The following SRGAP1 variants were observed in gnomAD, a reference collection of about 807,000 sequenced individuals.
SRGAP1 encodes the protein SLIT-ROBO Rho GTPase-activating protein 1.
In SRGAP1, 43 loss-of-function variants were observed where a neutral mutation model predicts 121.9. That is an observed-to-expected ratio of 0.35 (90% CI 0.28 to 0.46). The LOEUF (loss-of-function observed/expected upper bound fraction) is 0.46, where lower values mean the gene tolerates loss of function less well. Ranked by LOEUF, SRGAP1 falls within the 20% of genes least tolerant of loss-of-function variation. The pLI, the probability that SRGAP1 is intolerant of heterozygous loss-of-function variation, is 1.00. For synonymous variants in SRGAP1, 447 were observed against 485.4 expected, an observed-to-expected ratio of 0.92 and a Z score of 1.04; for missense variants, 1,102 against 1,350.9, an observed-to-expected ratio of 0.82 and a Z score of 2.89.
At chr12:64,070,471 G>A (rs2035618672) in intron 8 of SRGAP1, among the ~76,000 whole-genome samples, 1 of 152,150 alleles carries the variant, frequency 6.6e-6, no homozygotes, top group Non-Finnish European at 1.5e-5. Context: ...GCTGTTCTAT[G>A]AGTAGAACCT....
chr12:64,042,696 G>A (rs2035048893), intron 4 of SRGAP1, 94 bp from the exon 5 acceptor site: 2 of 870,222 alleles, frequency 2.3e-6, no homozygotes, highest in Non-Finnish European at 3.5e-6. Flanking sequence ...TTTGGAAGGT[G>A]GTATGTGTAT....
intron 1 of SRGAP1, among the ~76,000 whole-genome samples, chr12:63,886,475 T>C (rs886224107): frequency 1.3e-5 from 2 of 149,324 alleles, no homozygotes; most frequent in Admixed American, 6.6e-5. Context: ...TGAACCATTT[T>C]ATGTACTTAT....
chr12:64,042,816 T>C lies in SRGAP1; in HGVS notation c.516T>C (p.His172=), dbSNP rs755885515. 4 of 1,613,668 alleles carry C rather than the reference T, an allele frequency of 2.5e-6. No individual in the cohort carries two copies. Among genetic ancestry groups the C allele is most frequent in the African/African-American group, 1.3e-5 (1 of 74,886 alleles). The part of the protein sequence containing the change: ...YTVMKTYHMY[H]AESISAESKL... ...TGATGAAAACATACCATATGTATCA[T>C]GCAGAGAGCATCAGTGCAGAGAGCA... Residue 172 remains histidine, a synonymous_variant, in exon 5 of 22, where the codon CAT becomes CAC. Transcript: ENST00000355086.
intron 1 of SRGAP1, among the ~76,000 whole-genome samples, chr12:63,856,904 C>T (rs915285519): frequency 4.6e-5 from 7 of 152,150 alleles, no homozygotes; most frequent in African/African-American, 1.2e-4. Context: ...ATTAGTTCTT[C>T]CTACCTGTGA....
At chr12:64,134,149 C>T (rs538664864) in intron 21 of SRGAP1, among the ~76,000 whole-genome samples, 22 of 152,126 alleles carry the variant, frequency 1.4e-4, no homozygotes, top group South Asian at 1.0e-3. Context: ...TGGCCAAGTG[C>T]GGTGGCTCAT....
chr12:63,963,481 G>T (rs899175618), intron 1 of SRGAP1, among the ~76,000 whole-genome samples: 1 of 152,162 alleles, frequency 6.6e-6, no homozygotes, highest in Non-Finnish European at 1.5e-5. Flanking sequence ...AATGTAGACT[G>T]ATAAAATCAG....
chr12:64,059,916 G>A (rs1030166486), intron 6 of SRGAP1, among the ~76,000 whole-genome samples: 2 of 152,050 alleles, frequency 1.3e-5, no homozygotes, highest in African/African-American at 4.8e-5. Context: ...TGGTGTCACA[G>A]CTACTTTCTG....
intron 11 of SRGAP1, 125 bp from the exon 12 acceptor site, chr12:64,091,151 C>G: frequency 2.0e-6 from 1 of 492,816 alleles, no homozygotes; most frequent in Non-Finnish European, 3.4e-6. Context: ...GAATGTTTTC[C>G]CCTGTGATTG....
intron 21 of SRGAP1, among the ~76,000 whole-genome samples, chr12:64,129,796 A>G (rs1023655267): frequency 5.3e-5 from 8 of 152,204 alleles, no homozygotes; most frequent in African/African-American, 1.9e-4. Flanking sequence ...AAGGAAATAA[A>G]ATGAAGATAT....
chr12:64,011,266 A>AT (rs151237549), intron 3 of SRGAP1, among the ~76,000 whole-genome samples: 3,873 of 152,120 alleles, frequency 0.025, 180 homozygotes, highest in African/African-American at 0.089. Context: ...GCCTAATTAG[A>AT]TTTTATTTTA....
At chr12:63,848,614 T>C (rs888808359) in intron 1 of SRGAP1, among the ~76,000 whole-genome samples, 1 of 151,900 alleles carries the variant, frequency 6.6e-6, no homozygotes, top group Non-Finnish European at 1.5e-5. Flanking sequence ...ACACGATCTC[T>C]GCTCTCTGAA....
chr12:64,111,653 C>A lies in SRGAP1; in HGVS notation c.1920-109C>A, dbSNP rs768449323. The A allele has an allele frequency of 1.3e-5, 13 of 975,512 alleles. No individual in the cohort carries two copies. In the Middle Eastern group the frequency reaches 1.0e-3, roughly 76 times the overall value. The allele number at this position is 975,512 out of a possible 1,614,324, so 60.4% of individuals were successfully genotyped here. ...CTTTCTTTGGAGTTTGCTGAGCCAA[C>A]TTAAAGTTGAAGTATCTTATTAAAG... On this transcript the variant is annotated intron_variant, in intron 16 of 21. Coordinates refer to ENST00000355086, the MANE Select transcript of SRGAP1 (RefSeq NM_020762.4).
intron 1 of SRGAP1, among the ~76,000 whole-genome samples, chr12:63,915,613 A>G (rs2030735638): frequency 6.6e-6 from 1 of 152,208 alleles, no homozygotes; most frequent in South Asian, 2.1e-4. Context: ...GATCATAGCA[A>G]CCATCTCCAA....
At chr12:64,126,679 G>A (rs560628246) in intron 19 of SRGAP1, among the ~76,000 whole-genome samples, 7 of 152,240 alleles carry the variant, frequency 4.6e-5, no homozygotes, top group African/African-American at 1.7e-4. Flanking sequence ...TAGTCCAAAA[G>A]TAGCTTTTTA....
intron 15 of SRGAP1, among the ~76,000 whole-genome samples, chr12:64,105,327 T>C (rs2036327135): frequency 6.6e-6 from 1 of 152,226 alleles, no homozygotes; most frequent in Non-Finnish European, 1.5e-5. Context: ...ACATTTAGGT[T>C]GTCTCTACCT....
Position 64,144,233 on chromosome 12 carries a change from T to TTTGTTGTTGTTG in SRGAP1, c.*1571_*1582dup, listed in dbSNP as rs59599406. On this transcript the variant is annotated 3_prime_UTR_variant, in exon 22 of 22. Transcript: ENST00000355086. ...ATCATTGAAGTTACTGATAAAGATT[T>TTTGTTGTTGTTG]TTGTTGTTGTTGTTGTTGTTGGGAG... The TTTGTTGTTGTTG allele has an allele frequency of 2.1e-4, 32 of 151,386 alleles. No individual in the cohort carries two copies. The highest frequency in any genetic ancestry group is 6.3e-4 in the South Asian group (3 of 4,778). The allele number at this position is 151,386 out of a possible 1,614,324, so 9.4% of individuals were successfully genotyped here. A position where few individuals can be genotyped will look rare whatever the true frequency, so the allele number is the denominator to read the frequency against.
intron 3 of SRGAP1, among the ~76,000 whole-genome samples, chr12:63,992,960 A>T (rs2136421938): frequency 6.6e-6 from 1 of 152,282 alleles, no homozygotes; most frequent in Non-Finnish European, 1.5e-5. Flanking sequence ...TTACAATTAC[A>T]GGTGTGAAGT....
At chr12:63,884,488 G>T (rs1900304765) in intron 1 of SRGAP1, among the ~76,000 whole-genome samples, 1 of 152,100 alleles carries the variant, frequency 6.6e-6, no homozygotes, top group Non-Finnish European at 1.5e-5. Context: ...TCTAGCCAGG[G>T]TAGTTAGTGC....
rs140295728 is a variant in SRGAP1 at position 64,135,147 on chromosome 12, A to G, written c.2880+6947A>G. Among the ~76,000 whole-genome samples the G allele has an allele frequency of 9.1e-3, 1,378 of 152,252 alleles. 25 individuals are homozygous for G. The highest frequency in any genetic ancestry group is 0.031 in the African/African-American group (1,304 of 41,526). On this transcript the variant is annotated intron_variant, in intron 21 of 21. Coordinates refer to ENST00000355086, the MANE Select transcript of SRGAP1 (RefSeq NM_020762.4). ...GATAGGGAAGCTGTTTCTTCTGGCA[A>G]AAAAGGTTCATCAGGGTTTACAAAC...
Sources: allele counts gnomAD v4.1 joint callset (sites outside exome capture counted in the v4.1 genomes callset), GRCh38; gene constraint gnomAD v4.1.1; transcripts MANE v1.5; gene names NCBI Gene and HGNC (gene_info 2026-07-23, HGNC 2026-07-21).